Variants in SLC24A3 observed in about 807,000 individuals in gnomAD.
The protein encoded by SLC24A3 is solute carrier family 24 member 3.
Under a neutral mutation model 75.8 loss-of-function variants are expected in SLC24A3, and 28 were observed. The ratio of observed to expected loss-of-function variants is 0.37; its 90% CI spans 0.27 to 0.51. The LOEUF (loss-of-function observed/expected upper bound fraction) is 0.51. SLC24A3 is among the 20% of genes least tolerant of loss of function. The probability of loss-of-function intolerance (pLI) is 0.94; values close to 1 mark genes in which losing one functional copy is unlikely to be tolerated. For synonymous variants in SLC24A3, 372 were observed against 334.1 expected (o/e 1.11, Z -1.24); for missense variants, 663 against 847.8 (o/e 0.78, Z 2.71).
intron 8 of SLC24A3, among the ~76,000 whole-genome samples, chr20:19,671,639 T>TTTTTTTTGTTTTTTTG (rs149257547): frequency 1.0e-3 from 158 of 150,654 alleles, no homozygotes; most frequent in Non-Finnish European, 1.9e-3. Flanking sequence ...AGGGTTGGTT[T>TTTTTTTTGTTTTTTTG]TTTTTTTGTT....
At chr20:19,718,795 C>T (rs1320191159) in intron 16 of SLC24A3, among the ~76,000 whole-genome samples, 6 of 152,070 alleles carry the variant, frequency 3.9e-5, no homozygotes, top group African/African-American at 1.2e-4. Flanking sequence ...AGGAAGAGGT[C>T]AAGAAAGCCA....
At chr20:19,497,256 A>G (rs1442942809) in intron 2 of SLC24A3, among the ~76,000 whole-genome samples, 2 of 152,210 alleles carry the variant, frequency 1.3e-5, no homozygotes, top group African/African-American at 2.4e-5. Context: ...CGGCACTCAA[A>G]TAAGGCAAGA....
chr20:19,550,013 C>T (rs80018050), intron 3 of SLC24A3, among the ~76,000 whole-genome samples: 7,480 of 152,120 alleles, frequency 0.049, 389 homozygotes, highest in African/African-American at 0.13. Context: ...ATAAAACTTC[C>T]AGATATTTTA....
At chr20:19,294,761 C>A (rs977603794) in intron 2 of SLC24A3, among the ~76,000 whole-genome samples, 1 of 152,106 alleles carries the variant, frequency 6.6e-6, no homozygotes, top group African/African-American at 2.4e-5. Context: ...ATGCATGTGT[C>A]TTTATTGTAG....
intron 2 of SLC24A3, among the ~76,000 whole-genome samples, chr20:19,319,628 A>G (rs1984662664): frequency 6.6e-6 from 1 of 152,246 alleles, no homozygotes. Context: ...AAAATACTCA[A>G]CAGTGACAGA....
intron 2 of SLC24A3, among the ~76,000 whole-genome samples, chr20:19,341,671 T>C (rs566055006): frequency 6.6e-6 from 1 of 152,322 alleles, no homozygotes; most frequent in East Asian, 1.9e-4. Flanking sequence ...AATTTGGCAT[T>C]AAACAGAGAC....
At chr20:19,399,320 C>A (rs1986511328) in intron 2 of SLC24A3, among the ~76,000 whole-genome samples, 1 of 151,804 alleles carries the variant, frequency 6.6e-6, no homozygotes. Context: ...CTCTTCTTTT[C>A]TTAGTTTCTT....
chr20:19,717,590 C>T lies in SLC24A3; in HGVS notation c.1782C>T (p.Val594=), dbSNP rs144707289. 2.7e-5 allele frequency: 44 copies of T among 1,614,124 alleles called. No homozygotes were observed. Among genetic ancestry groups the T allele is most frequent in the Non-Finnish European group, 3.6e-5 (43 of 1,179,972 alleles). Reference sequence around the variant, plus strand: ...GCTTGCTCCTGGCCTCTGTTTTTGTCACGGTAGGTTGGCAGCTCTCTCCTC... The same window carrying T: ...GCTTGCTCCTGGCCTCTGTTTTTGTTACGGTAGGTTGGCAGCTCTCTCCTC... ...SVGLLLASVF[V]TVFGVHLNKW... Residue 594 remains valine (V), a synonymous_variant, in exon 16 of 17, where the codon GTC becomes GTT. Transcript: ENST00000328041.
intron 2 of SLC24A3, among the ~76,000 whole-genome samples, chr20:19,432,830 GT>G (rs950467088): frequency 5.9e-5 from 9 of 152,182 alleles, no homozygotes; most frequent in African/African-American, 2.2e-4. Flanking sequence ...AATGCTTCAA[GT>G]TTTTTTGATG....
At chr20:19,598,029 G>A (rs1047362786) in intron 6 of SLC24A3, among the ~76,000 whole-genome samples, 18 of 152,190 alleles carry the variant, frequency 1.2e-4, no homozygotes, top group Admixed American at 3.9e-4. Context: ...TGCAACAAAC[G>A]ACAGTGCAGC....
At chr20:19,530,951 C>T (rs910371839) in intron 3 of SLC24A3, among the ~76,000 whole-genome samples, 1 of 152,150 alleles carries the variant, frequency 6.6e-6, no homozygotes, top group Admixed American at 6.5e-5. Flanking sequence ...ACAGCTGCTC[C>T]ATAGAAGGAA....
chr20:19,299,223 T>TGTGTGTG (rs1568582808), intron 2 of SLC24A3, among the ~76,000 whole-genome samples: 4 of 151,410 alleles, frequency 2.6e-5, no homozygotes, highest in African/African-American at 9.7e-5. Context: ...TGTGTGTGTG[T>TGTGTGTG]TTTCATCTTG....
intron 3 of SLC24A3, among the ~76,000 whole-genome samples, chr20:19,575,344 A>C (rs1291305606): frequency 6.6e-6 from 1 of 151,698 alleles, no homozygotes; most frequent in Non-Finnish European, 1.5e-5. Context: ...TAGAGAGCCC[A>C]TGCTTGGGAG....
intron 2 of SLC24A3, among the ~76,000 whole-genome samples, chr20:19,403,713 A>G (rs1399157901): frequency 6.6e-6 from 1 of 152,168 alleles, no homozygotes; most frequent in East Asian, 1.9e-4. Context: ...TAGGTGGGAA[A>G]GGGCATTCCA....
chr20:19,552,365 G>T (rs981256730), intron 3 of SLC24A3, among the ~76,000 whole-genome samples: 4 of 152,136 alleles, frequency 2.6e-5, no homozygotes, highest in African/African-American at 9.7e-5. Flanking sequence ...CTACACAGCC[G>T]CCCAGCAACT....
intron 1 of SLC24A3, among the ~76,000 whole-genome samples, chr20:19,226,609 A>G (rs148932522): frequency 1.1e-3 from 161 of 152,290 alleles, no homozygotes; most frequent in African/African-American, 3.8e-3. Flanking sequence ...ACAGCATGTA[A>G]TGTTTATTGG....
At chr20:19,574,254 G>A (rs1000686463) in intron 3 of SLC24A3, among the ~76,000 whole-genome samples, 2 of 152,300 alleles carry the variant, frequency 1.3e-5, no homozygotes, top group East Asian at 3.9e-4. Context: ...TTGTCATTTA[G>A]TTTGTTAGGA....
At chr20:19,546,660 T>C (rs1436266917) in intron 3 of SLC24A3, among the ~76,000 whole-genome samples, 1 of 152,224 alleles carries the variant, frequency 6.6e-6, no homozygotes, top group Non-Finnish European at 1.5e-5. Flanking sequence ...TTTAAGGTCC[T>C]TTCCAATTTG....
chr20:19,548,889 A>C (rs903348124), intron 3 of SLC24A3, among the ~76,000 whole-genome samples: 4 of 152,258 alleles, frequency 2.6e-5, no homozygotes, highest in African/African-American at 9.6e-5. Flanking sequence ...TCATGGAATG[A>C]ACATAATAAG....
Sources: allele counts gnomAD v4.1 joint callset (sites outside exome capture counted in the v4.1 genomes callset), GRCh38; gene constraint gnomAD v4.1.1; transcripts MANE v1.5; gene names NCBI Gene and HGNC (gene_info 2026-07-23, HGNC 2026-07-21).